The following CRYL1 variants were observed in gnomAD, a reference collection of about 807,000 sequenced individuals.
CRYL1 encodes the protein crystallin lambda 1.
In CRYL1, 29 loss-of-function variants were observed where a neutral mutation model predicts 36.6. The ratio of observed to expected loss-of-function variants is 0.79; its 90% CI spans 0.59 to 1.08. CRYL1 has a LOEUF of 1.08. CRYL1 is among the 50% of genes least tolerant of loss of function. CRYL1 has a pLI of 0.00. For missense variants in CRYL1, 411 were observed against 407.9 expected, an observed-to-expected ratio of 1.01 and a Z score of -0.06; for synonymous variants, 152 against 151.5, an observed-to-expected ratio of 1.00 and a Z score of -0.02.
chr13:20,410,403 G>C (rs1379906730), intron 6 of CRYL1, among the ~76,000 whole-genome samples: 3 of 127,668 alleles, frequency 2.3e-5, no homozygotes, highest in Non-Finnish European at 4.9e-5. Context: ...GGAGGGGGGA[G>C]GGATAGCATT....
At chr13:20,482,425 T>C (rs994534129) in intron 3 of CRYL1, among the ~76,000 whole-genome samples, 1 of 152,252 alleles carries the variant, frequency 6.6e-6, no homozygotes, top group African/African-American at 2.4e-5. Context: ...TGAGCTTTAA[T>C]GTGCTTTAAA....
At chr13:20,444,033 A>G (rs1036374054) in intron 3 of CRYL1, among the ~76,000 whole-genome samples, 2 of 152,126 alleles carry the variant, frequency 1.3e-5, no homozygotes, top group Non-Finnish European at 2.9e-5. Context: ...TCTCTTCACC[A>G]TTTCTCCCAG....
chr13:20,446,545 G>C (rs958395990), intron 3 of CRYL1, among the ~76,000 whole-genome samples: 1 of 152,192 alleles, frequency 6.6e-6, no homozygotes, highest in African/African-American at 2.4e-5. Flanking sequence ...TTGAGGGATT[G>C]AGCCTTCCCC....
intron 3 of CRYL1, among the ~76,000 whole-genome samples, chr13:20,464,243 A>G (rs2032888304): frequency 6.6e-6 from 1 of 152,102 alleles, no homozygotes; most frequent in South Asian, 2.1e-4. Flanking sequence ...AAAATACAAA[A>G]ATTAGCTGGG....
intron 3 of CRYL1, among the ~76,000 whole-genome samples, chr13:20,473,259 G>A (rs1030565845): frequency 4.6e-5 from 7 of 152,196 alleles, no homozygotes; most frequent in Middle Eastern, 3.2e-3. Flanking sequence ...GGGGAGACCC[G>A]CAGTCCCACT....
At chr13:20,460,128 C>T (rs2032776920) in intron 3 of CRYL1, among the ~76,000 whole-genome samples, 1 of 152,150 alleles carries the variant, frequency 6.6e-6, no homozygotes, top group Admixed American at 6.5e-5. Context: ...CTGCATGCAC[C>T]CCCATGGATG....
At chr13:20,460,584 G>A (rs1210598147) in intron 3 of CRYL1, among the ~76,000 whole-genome samples, 4 of 126,142 alleles carry the variant, frequency 3.2e-5, no homozygotes, top group Non-Finnish European at 1.6e-5. Flanking sequence ...GGAGTGCAGT[G>A]GCGCTATCTC....
intron 2 of CRYL1, among the ~76,000 whole-genome samples, chr13:20,499,053 AT>A (rs1306746857): frequency 1.3e-5 from 2 of 152,196 alleles, no homozygotes; most frequent in African/African-American, 4.8e-5. Context: ...TTATGTTAGA[AT>A]TATTTAAGCC....
chr13:20,431,402 GAAGCTGGGC>G, intron 5 of CRYL1: 1 of 985,416 alleles, frequency 1.0e-6, no homozygotes, highest in East Asian at 1.1e-4. Context: ...TCCCCCTGCA[GAAGCTGGGC>G]AAGTGCCATA....
At chr13:20,509,704 G>A (rs971994059) in intron 2 of CRYL1, among the ~76,000 whole-genome samples, 2 of 152,080 alleles carry the variant, frequency 1.3e-5, no homozygotes, top group Non-Finnish European at 2.9e-5. Context: ...GAGGCGGGTG[G>A]ATCACCTGAG....
chr13:20,439,521 A>C, intron 4 of CRYL1, 72 bp downstream of exon 4: 1 of 963,868 alleles, frequency 1.0e-6, no homozygotes, highest in Non-Finnish European at 1.5e-6. Context: ...CCGCAAAAAA[A>C]AAAAAAAAAG....
rs926331578 is a variant in CRYL1, at chr13:20,410,440, G to C, written c.739+2842C>G. Among the ~76,000 whole-genome samples the C allele has an allele frequency of 4.5e-4, 67 of 149,784 alleles. 1 individual carries two copies. The highest frequency in any genetic ancestry group is 4.4e-3 in the Admixed American group (66 of 14,988). ...GGAGATATACCTAATGCTAGATGACGAGTTAGTGGGTGCAGCGCACCAGCA... is the reference window on the plus strand; with the variant it reads ...GGAGATATACCTAATGCTAGATGACCAGTTAGTGGGTGCAGCGCACCAGCA... On this transcript the variant is annotated intron_variant, in intron 6 of 7. Transcript: ENST00000298248.
intron 2 of CRYL1, among the ~76,000 whole-genome samples, chr13:20,511,485 T>C (rs2033917318): frequency 6.6e-6 from 1 of 152,242 alleles, no homozygotes; most frequent in Non-Finnish European, 1.5e-5. Context: ...GTTCAAGTTC[T>C]TAATGTGTAA....
intron 4 of CRYL1, among the ~76,000 whole-genome samples, chr13:20,437,309 A>ATTTT (rs5802073): frequency 4.9e-5 from 7 of 144,320 alleles, no homozygotes; most frequent in African/African-American, 1.5e-4. Flanking sequence ...AGGAAGATTA[A>ATTTT]TTTTTTTTTT....
chr13:20,483,701 T>C (rs1005921414), intron 3 of CRYL1, among the ~76,000 whole-genome samples: 1 of 151,066 alleles, frequency 6.6e-6, no homozygotes, highest in Non-Finnish European at 1.5e-5. Context: ...CACCATGCCA[T>C]GCTAATTTTT....
intron 1 of CRYL1, among the ~76,000 whole-genome samples, chr13:20,518,331 T>C (rs1244878601): frequency 6.6e-6 from 1 of 152,182 alleles, no homozygotes; most frequent in African/African-American, 2.4e-5. Context: ...CACCAGGGAC[T>C]GTCTCACTGG....
chr13:20,454,783 G>A (rs1390973406), intron 3 of CRYL1, among the ~76,000 whole-genome samples: 1 of 152,058 alleles, frequency 6.6e-6, no homozygotes, highest in East Asian at 1.9e-4. Flanking sequence ...TTAACATGAT[G>A]AAAGGTAGCT....
At chr13:20,438,459 C>T (rs550507839) in intron 4 of CRYL1, among the ~76,000 whole-genome samples, 1 of 152,358 alleles carries the variant, frequency 6.6e-6, no homozygotes, top group South Asian at 2.1e-4. Flanking sequence ...TGGACCCAAG[C>T]TGTCTGTCCC....
chr13:20,495,779 A>G (rs1474276655), intron 2 of CRYL1, among the ~76,000 whole-genome samples: 1 of 152,228 alleles, frequency 6.6e-6, no homozygotes, highest in African/African-American at 2.4e-5. Flanking sequence ...ATGGTTTCAC[A>G]CCTACGGTGG....
Sources: gnomAD v4.1 joint callset for allele counts (sites outside exome capture counted in the v4.1 genomes callset) on GRCh38, gnomAD v4.1.1 for gene constraint, MANE v1.5 for transcripts, NCBI Gene and HGNC (gene_info 2026-07-23, HGNC 2026-07-21) for gene names.